The following ZNF507 variants were observed in gnomAD, a reference collection of about 807,000 sequenced individuals.
ZNF507 encodes the protein zinc finger protein 507.
In ZNF507, 29 loss-of-function variants were observed where a neutral mutation model predicts 80.0. The ratio of observed to expected loss-of-function variants is 0.36; its 90% confidence interval spans 0.27 to 0.49. The LOEUF is 0.49. Among genes scored for constraint, ZNF507 ranks in the 20% least tolerant of loss-of-function variants. ZNF507 has a pLI of 0.98. For missense variants in ZNF507, 1,081 were observed against 1,152.2 expected (o/e 0.94, Z 0.90); for synonymous variants, 462 against 422.5 (o/e 1.09, Z -1.15).
In ZNF507 at chr19:32,354,478, T is replaced by A. The variant is rs753495562; in HGVS notation, c.1648T>A (p.Ser550Thr). ...AAAAATGATGTCGCCACTTAAAAACTCTTCAGATGGATTAACTAGTCTTAA... is the reference window on the plus strand; with the variant it reads ...AAAAATGATGTCGCCACTTAAAAACACTTCAGATGGATTAACTAGTCTTAA... Reference protein sequence around the residue: ...YSKMMSPLKNSSDGLTSLNQS... With the variant: ...YSKMMSPLKNTSDGLTSLNQS... Residue 550 changes from serine (S) to threonine (T), a missense_variant, in exon 3 of 7, where the codon TCT (serine) becomes ACT (threonine). Transcript: ENST00000355898. 2 of 1,614,162 alleles carry A rather than the reference T, an allele frequency of 1.2e-6. No homozygotes were observed. The highest frequency in any genetic ancestry group is 1.7e-5 in the Admixed American group (1 of 60,026).
chr19:32,356,652 C>G lies in ZNF507; in HGVS notation c.2164C>G (p.Leu722Val), dbSNP rs745815743. Residue 722 changes from leucine to valine, a missense_variant, in exon 4 of 7, where the codon CTT becomes GTT. By Grantham distance (32) the Leu-to-Val change is conservative. Around this residue, in one of 6 missense-constraint regions of ZNF507, gnomAD observed 614 missense variants for 583.9 expected, o/e 1.05. Transcript: ENST00000355898. ...LRNHEREQHS[L>V]PDTLSIATSN... The stretch of plus-strand genomic sequence containing the variant: ...GAACCATGAGAGAGAACAGCACAGT[C>G]TTCCAGATACCTTGTCAATAGCAAC... 3 of 1,614,118 alleles carry G rather than the reference C, an allele frequency of 1.9e-6. No individual in the cohort carries two copies. The Admixed American group carries it at 5.0e-5, about 27-fold the overall frequency.
At position 32,385,276 on chromosome 19, in the gene ZNF507, A is replaced by T. The variant is rs567671160; in HGVS notation, c.*2193A>T. On this transcript the variant is annotated 3_prime_UTR_variant, in exon 7 of 7. Coordinates refer to ENST00000355898, the MANE Select transcript of ZNF507 (RefSeq NM_001136156.2). ...CATGGATTTAAAATTTCCCCACCTC[A>T]TGGGGAAAAAACTAACCCAGAAGTT... is the stretch of plus-strand genomic sequence containing the variant. The T allele has an allele frequency of 1.3e-5, 2 of 152,232 alleles. No homozygotes were observed. The highest frequency in any genetic ancestry group is 4.1e-4 in the South Asian group (2 of 4,824). 9.4% of individuals were successfully genotyped at this position (152,232 alleles called of 1,614,324 possible).
rs772014928 is a variant in ZNF507, at chr19:32,354,735, G to A, written c.1905G>A (p.Pro635=). 748 of 1,614,018 alleles carry A rather than the reference G, an allele frequency of 4.6e-4. 1 individual carries two copies. The highest frequency in any genetic ancestry group is 6.0e-4 in the Non-Finnish European group (704 of 1,180,030). ...LSGNNVVEYI[P]NAERPYRCRL... Reference sequence around the variant, plus strand: ...GAAACAATGTGGTGGAATACATCCCGAATGCTGAACGACCCTACCGTTGCC... The same window carrying A: ...GAAACAATGTGGTGGAATACATCCCAAATGCTGAACGACCCTACCGTTGCC... The change falls in exon 3 of 7, where the codon CCG becomes CCA. Residue 635 remains proline (P), a synonymous_variant. Coordinates refer to ENST00000355898, the MANE Select transcript of ZNF507 (RefSeq NM_001136156.2).
At chr19:32,372,373 G>A (rs890774880) in intron 5 of ZNF507, among the ~76,000 whole-genome samples, 4 of 152,246 alleles carry the variant, frequency 2.6e-5, no homozygotes, top group Admixed American at 2.6e-4. Context: ...AGCGTTTGCT[G>A]ACCAGTTGAG....
At chr19:32,373,348 G>A (rs1358345274) in intron 5 of ZNF507, among the ~76,000 whole-genome samples, 2 of 152,076 alleles carry the variant, frequency 1.3e-5, no homozygotes, top group African/African-American at 2.4e-5. Context: ...TAGGAATTTC[G>A]GTGGGGGGTG....
intron 5 of ZNF507, among the ~76,000 whole-genome samples, chr19:32,371,106 A>G (rs1183615308): frequency 6.6e-6 from 1 of 152,130 alleles, no homozygotes; most frequent in East Asian, 1.9e-4. Flanking sequence ...TTATGCCCTT[A>G]CCATACTGTC....
rs1179992734 is a variant in ZNF507, at chr19:32,353,794, G to C, written c.964G>C (p.Val322Leu). Residue 322 changes from valine to leucine, a missense_variant, in exon 3 of 7, where the codon GTG (valine) becomes CTG (leucine). Transcript: ENST00000355898. The part of the protein sequence containing the change: ...SELSIHNGPS[V>L]QVQICSSEQL... Reference sequence around the variant, plus strand: ...ACTGAGTATCCACAATGGGCCATCAGTGCAAGTGCAGATTTGCAGCTCAGA... The same window carrying C: ...ACTGAGTATCCACAATGGGCCATCACTGCAAGTGCAGATTTGCAGCTCAGA... 6.2e-7 allele frequency: 1 copy of C among 1,614,214 alleles called. No homozygotes were observed. Among genetic ancestry groups the C allele is most frequent in the African/African-American group, 1.3e-5 (1 of 75,050 alleles).
Position 32,354,352 on chromosome 19 carries a change from G to T in ZNF507, c.1522G>T (p.Ala508Ser). The T allele has an allele frequency of 1.2e-6, 2 of 1,614,174 alleles. No individual in the cohort carries two copies. The highest frequency in any genetic ancestry group is 1.7e-6 in the Non-Finnish European group (2 of 1,180,040). ...EALVTMPIRA[A>S]ELTRANLGHY... ...CCTTGTCACAATGCCTATAAGAGCTGCAGAGTTGACAAGAGCCAACCTGGG... is the reference window on the plus strand; with the variant it reads ...CCTTGTCACAATGCCTATAAGAGCTTCAGAGTTGACAAGAGCCAACCTGGG... The change falls in exon 3 of 7, where the codon GCA becomes TCA. Residue 508 changes from alanine (A) to serine (S), a missense_variant. Around this residue, in one of 6 missense-constraint regions of ZNF507, gnomAD observed 614 missense variants for 583.9 expected, o/e 1.05. Transcript: ENST00000355898.
At chr19:32,376,114 ATACTT>A (rs530354660) in intron 5 of ZNF507, among the ~76,000 whole-genome samples, 337 of 152,364 alleles carry the variant, frequency 2.2e-3, no homozygotes, top group African/African-American at 7.7e-3. Context: ...TAGTCATTAA[ATACTT>A]TATTGTAGAA....
chr19:32,361,963 G>A (rs1967334884), intron 5 of ZNF507, among the ~76,000 whole-genome samples: 1 of 129,266 alleles, frequency 7.7e-6, no homozygotes, highest in African/African-American at 2.9e-5. Flanking sequence ...TCATCACCCA[G>A]GCTGGAGTGC....
intron 3 of ZNF507, 58 bp from the exon 4 acceptor site, chr19:32,356,558 T>C (rs111533576): frequency 1.6e-6 from 2 of 1,233,542 alleles, no homozygotes; most frequent in East Asian, 2.3e-5. Context: ...TTCTACAGCC[T>C]CCTAAGAGTT....
At chr19:32,360,697 A>G (rs182942336) in intron 5 of ZNF507, 79 bp downstream of exon 5, 5 of 730,398 alleles carry the variant, frequency 6.8e-6, no homozygotes, top group Admixed American at 7.7e-5. Context: ...ATAAAAATGT[A>G]TAGCACTTAC....
At chr19:32,345,850 C>T (rs528035901) in intron 1 of ZNF507, 67 bp downstream of exon 1, 1 of 152,864 alleles carries the variant, frequency 6.5e-6, no homozygotes, top group East Asian at 1.9e-4. Context: ...GCATCCTCCC[C>T]TCAGGCCTCT....
Position 32,375,988 on chromosome 19 carries a change from A to C in ZNF507, c.2361-6479A>C, listed in dbSNP as rs113532673. Reference sequence around the variant, plus strand: ...TTCTCAGAAGCTTTAAGTGCCTAAGATTTTTATACAAAGATGATTGTCAAT... The same window carrying C: ...TTCTCAGAAGCTTTAAGTGCCTAAGCTTTTTATACAAAGATGATTGTCAAT... On this transcript the variant is annotated intron_variant, in intron 5 of 6. Transcript: ENST00000355898. Among the ~76,000 whole-genome samples, 491 of 152,308 alleles carry C rather than the reference A, an allele frequency of 3.2e-3. 1 individual carries two copies. Among genetic ancestry groups the C allele is most frequent in the African/African-American group, 0.011 (467 of 41,572 alleles).
At chr19:32,356,766 G>A (rs1219995330) in intron 4 of ZNF507, 33 bp downstream of exon 4, 7 of 1,540,824 alleles carry the variant, frequency 4.5e-6, no homozygotes, top group Non-Finnish European at 6.3e-6. Context: ...AGGCTGCAGT[G>A]ACTTGCACAT....
At chr19:32,348,575 T>C (rs565818840) in intron 2 of ZNF507, among the ~76,000 whole-genome samples, 6 of 152,294 alleles carry the variant, frequency 3.9e-5, no homozygotes, top group African/African-American at 1.2e-4. Flanking sequence ...GAGAAAGATA[T>C]TAATTAGAAG....
Position 32,386,504 on chromosome 19 carries a change from G to A in ZNF507, c.*3421G>A, listed in dbSNP as rs2145351256. 1 of 152,648 alleles carries A rather than the reference G, an allele frequency of 6.6e-6. No homozygotes were observed. The highest frequency in any genetic ancestry group is 1.5e-5 in the Non-Finnish European group (1 of 68,022). 9.5% of individuals were successfully genotyped at this position (152,648 alleles called of 1,614,324 possible). A position where few individuals can be genotyped will look rare whatever the true frequency, so the allele number is the denominator to read the frequency against. ...TGTATTTTTTTAAGAAATAAGTATT[G>A]TGTAACACTATGGCATTGCTTCTAT... On this transcript the variant is annotated 3_prime_UTR_variant, in exon 7 of 7. Transcript: ENST00000355898.
chr19:32,374,169 A>AACACACAC (rs56820529), intron 5 of ZNF507, among the ~76,000 whole-genome samples: 58,601 of 149,704 alleles, frequency 0.39, 12,878 homozygotes, highest in Non-Finnish European at 0.52. Flanking sequence ...CAAAGCAAGG[A>AACACACAC]ACACACACAC....
At position 32,353,769 on chromosome 19, in the gene ZNF507, A is replaced by G. The variant is rs762530998; in HGVS notation, c.939A>G (p.Glu313=). The G allele has an allele frequency of 1.2e-6, 2 of 1,614,186 alleles. No homozygotes were observed. Among genetic ancestry groups the G allele is most frequent in the South Asian group, 1.1e-5 (1 of 91,080 alleles). The change falls in exon 3 of 7, where the codon GAA becomes GAG. Residue 313 remains glutamate, a synonymous_variant. Transcript: ENST00000355898. ...TCGTCATTGCTATTGGAGAGAGTGA[A>G]CTGAGTATCCACAATGGGCCATCAG... is the stretch of plus-strand genomic sequence containing the variant. The part of the protein sequence containing the change: ...DAVVIAIGES[E]LSIHNGPSVQ...
Sources: gnomAD v4.1 joint callset for allele counts (sites outside exome capture counted in the v4.1 genomes callset) on GRCh38, gnomAD v4.1.1 for gene constraint, gnomAD v4.1.1 regional missense constraint, MANE v1.5 for transcripts, NCBI Gene and HGNC (gene_info 2026-07-23, HGNC 2026-07-21) for gene names.